The following FRMD6 variants were observed in gnomAD, a reference collection of about 807,000 sequenced individuals.
The protein encoded by FRMD6 is FERM domain containing 6.
In FRMD6, 37 loss-of-function variants were observed where a neutral mutation model predicts 73.2. That is an observed-to-expected ratio of 0.51 (90% CI 0.39 to 0.66). FRMD6 has a LOEUF of 0.66. Ranked by LOEUF, FRMD6 falls within the 30% of genes least tolerant of loss-of-function variation. FRMD6 has a pLI of 0.00. For synonymous variants in FRMD6, 273 were observed against 282.2 expected (o/e 0.97, Z 0.33); for missense variants, 714 against 780.5 (o/e 0.91, Z 1.02).
At chr14:51,625,640 AC>A (rs1264406545) in intron 2 of FRMD6, among the ~76,000 whole-genome samples, 1 of 152,048 alleles carries the variant, frequency 6.6e-6, no homozygotes, top group African/African-American at 2.4e-5. Context: ...CCGAGCACAA[AC>A]CCCATCATTC....
chr14:51,714,281 G>A (rs1897120957), intron 9 of FRMD6: 1 of 151,342 alleles, frequency 6.6e-6, no homozygotes, highest in Non-Finnish European at 1.5e-5. Context: ...GGGGTCCACT[G>A]GTAGTTCCTT....
intron 2 of FRMD6, among the ~76,000 whole-genome samples, chr14:51,697,216 A>G (rs1224307164): frequency 1.3e-5 from 2 of 152,212 alleles, no homozygotes; most frequent in African/African-American, 4.8e-5. Flanking sequence ...CTGCACTCCC[A>G]TGTATATTGC....
chr14:51,669,953 T>C (rs1167619140), intron 1 of FRMD6, among the ~76,000 whole-genome samples: 1 of 152,162 alleles, frequency 6.6e-6, no homozygotes, highest in Non-Finnish European at 1.5e-5. Flanking sequence ...GCTTTTCAAT[T>C]TGGGCCTGTA....
At chr14:51,593,647 C>A (rs1889532388) in intron 2 of FRMD6, among the ~76,000 whole-genome samples, 1 of 152,144 alleles carries the variant, frequency 6.6e-6, no homozygotes, top group Non-Finnish European at 1.5e-5. Context: ...TGAACTTGTG[C>A]TTTCTAATGA....
chr14:51,402,837 A>G, the FRMD6 span, among the ~76,000 whole-genome samples: 1 of 151,900 alleles, frequency 6.6e-6, no homozygotes, highest in Non-Finnish European at 1.5e-5. Context: ...ATGGGGTTTC[A>G]CCCTGTTAGC....
At chr14:51,654,708 A>C (rs1233350065) in intron 1 of FRMD6, among the ~76,000 whole-genome samples, 1 of 152,130 alleles carries the variant, frequency 6.6e-6, no homozygotes, top group Admixed American at 6.5e-5. Flanking sequence ...GATGATCTCA[A>C]CAAGTTTTCC....
chr14:51,518,376 A>G (rs1339595203), intron 1 of FRMD6, among the ~76,000 whole-genome samples: 4 of 152,178 alleles, frequency 2.6e-5, no homozygotes, highest in Non-Finnish European at 5.9e-5. Context: ...AGGGCAGCGA[A>G]AAAGAATGCT....
chr14:51,667,812 TTAAAAG>T (rs766441992), intron 1 of FRMD6, among the ~76,000 whole-genome samples: 4 of 152,224 alleles, frequency 2.6e-5, no homozygotes, highest in African/African-American at 4.8e-5. Context: ...TAATTAAATC[TTAAAAG>T]TAAAATCTTT....
intron 2 of FRMD6, among the ~76,000 whole-genome samples, chr14:51,596,248 G>GGTGTGTGTGTGTGT (rs3060588): frequency 7.9e-4 from 117 of 147,708 alleles, no homozygotes; most frequent in African/African-American, 2.7e-3. Flanking sequence ...AGGAGAGCCT[G>GGTGTGTGTGTGTGT]GTGTGTGTGT....
the FRMD6 span, chr14:51,397,250 CCAAA>C: frequency 5.2e-5 from 8 of 152,436 alleles, no homozygotes; most frequent in African/African-American, 1.7e-4. Flanking sequence ...AGAGAGCATT[CCAAA>C]CAGAGGCCAG....
chr14:51,492,675 G>A (rs1160912602), intron 1 of FRMD6, among the ~76,000 whole-genome samples: 2 of 152,104 alleles, frequency 1.3e-5, no homozygotes, highest in Non-Finnish European at 2.9e-5. Context: ...TTGCAGATTT[G>A]AAACAACAGA....
intron 1 of FRMD6, among the ~76,000 whole-genome samples, chr14:51,664,085 CAT>C (rs1893410284): frequency 1.3e-5 from 2 of 152,170 alleles, no homozygotes; most frequent in Admixed American, 1.3e-4. Context: ...AAAGGTGAGA[CAT>C]GTGCTTTGAG....
chr14:51,663,857 G>A lies in FRMD6; in HGVS notation c.-147+11861G>A, dbSNP rs113154519. Among the ~76,000 whole-genome samples, 985 of 152,290 alleles carry A rather than the reference G, an allele frequency of 6.5e-3. 5 individuals carry two copies. Among genetic ancestry groups the A allele is most frequent in the Admixed American group, 9.7e-3 (149 of 15,306 alleles). ...CCCAGGTCATCCCATGGTGGAATGC[G>A]GAAGCAAGGGCAAGACAGAAAGCAC... On this transcript the variant is annotated intron_variant, in intron 1 of 13. Transcript: ENST00000344768.
At position 51,708,375 on chromosome 14, in the gene FRMD6, T is replaced by A. The variant is rs550501325; in HGVS notation, c.714+142T>A. ...TTTTAAAAGAGTTTCATTGAACTGC[T>A]TTTTGTTATCGCACGTCAGTCTTGG... On this transcript the variant is annotated intron_variant, in intron 7 of 13. Transcript: ENST00000344768. 12 of 817,982 alleles carry A rather than the reference T, an allele frequency of 1.5e-5. No homozygotes were observed. In the East Asian group the frequency reaches 2.5e-4, roughly 17 times the overall value. The allele number at this position is 817,982 out of a possible 1,614,324, so 50.7% of individuals were successfully genotyped here.
chr14:51,486,364 C>T (rs1882761296), upstream of FRMD6, among the ~76,000 whole-genome samples: 1 of 152,112 alleles, frequency 6.6e-6, no homozygotes, highest in Non-Finnish European at 1.5e-5. Flanking sequence ...TTGTGGGAGT[C>T]TGATGGACTG....
chr14:51,552,360 G>C (rs1163339808), intron 1 of FRMD6, among the ~76,000 whole-genome samples: 1 of 152,210 alleles, frequency 6.6e-6, no homozygotes, highest in Non-Finnish European at 1.5e-5. Flanking sequence ...TAAAATTTGA[G>C]GGCTTTAAGT....
intron 2 of FRMD6, among the ~76,000 whole-genome samples, chr14:51,604,227 A>G (rs138134024): frequency 6.6e-6 from 1 of 152,220 alleles, no homozygotes; most frequent in Non-Finnish European, 1.5e-5. Flanking sequence ...TTCACAGTAT[A>G]GTTCCACAGT....
intron 1 of FRMD6, among the ~76,000 whole-genome samples, chr14:51,567,700 A>G (rs1887851385): frequency 6.6e-6 from 1 of 152,176 alleles, no homozygotes; most frequent in South Asian, 2.1e-4. Context: ...CATCCTTCTT[A>G]AAGCTATCCT....
chr14:51,623,185 G>A (rs1430065201), intron 2 of FRMD6, among the ~76,000 whole-genome samples: 9 of 152,110 alleles, frequency 5.9e-5, no homozygotes, highest in African/African-American at 2.2e-4. Flanking sequence ...TTAGGTATAT[G>A]GAATGTGAGA....
Sources: gnomAD v4.1 joint callset for allele counts (sites outside exome capture counted in the v4.1 genomes callset) on GRCh38, gnomAD v4.1.1 for gene constraint, MANE v1.5 for transcripts, NCBI Gene and HGNC (gene_info 2026-07-23, HGNC 2026-07-21) for gene names.